PCDHGA7: variants seen among roughly 807,000 people sequenced by gnomAD.
PCDHGA7 encodes protocadherin gamma-A7.
PCDHGA7 carries 44 observed loss-of-function variants against 58.3 expected under a neutral mutation model. The observed-to-expected ratio is 0.75, with a 90% CI of 0.59 to 0.97. The LOEUF is 0.97. Among genes scored for constraint, PCDHGA7 ranks in the 50% least tolerant of loss-of-function variants. The pLI, the probability that PCDHGA7 is intolerant of heterozygous loss-of-function variation, is 0.00. For missense variants in PCDHGA7, 1,266 were observed against 1,188.7 expected, an observed-to-expected ratio of 1.06 and a Z score of -0.96; for synonymous variants, 516 against 504.2, an observed-to-expected ratio of 1.02 and a Z score of -0.31.
chr5:141,457,045 C>T (rs1489830197), intron 1 of PCDHGA7, among the ~76,000 whole-genome samples: 1 of 152,198 alleles, frequency 6.6e-6, no homozygotes, highest in African/African-American at 2.4e-5. Context: ...GATAGTAAAA[C>T]TTTCATGCTT....
chr5:141,503,343 T>C (rs558650835), intron 2 of PCDHGA7, among the ~76,000 whole-genome samples: 87 of 152,106 alleles, frequency 5.7e-4, no homozygotes, highest in South Asian at 1.2e-3. Flanking sequence ...ACGCCTGTAA[T>C]TCCAGCACTT....
intron 2 of PCDHGA7, 50 bp from the exon 3 acceptor site, chr5:141,505,343 G>A: frequency 1.9e-6 from 3 of 1,612,934 alleles, no homozygotes; most frequent in Non-Finnish European, 2.5e-6. Flanking sequence ...GGAGGGGCAT[G>A]AGCTGTGCCG....
Position 141,491,103 on chromosome 5 carries a change from G to T in PCDHGA7, c.2425-3704G>T, listed in dbSNP as rs1190609518. The T allele has an allele frequency of 6.2e-7, 1 of 1,614,162 alleles. No individual in the cohort carries two copies. ...CCACAGCCCCAGGACTGTTCCTCGT[G>T]TCTACACACACTGGTGAGGTGCGCA... On this transcript the variant is annotated intron_variant, in intron 1 of 3. Coordinates refer to ENST00000518325, the MANE Select transcript of PCDHGA7 (RefSeq NM_018920.4). The surrounding 1 kb of genome is among the most constrained non-coding windows in gnomAD (Gnocchi z 6.9).
At chr5:141,418,458 TG>T in intron 1 of PCDHGA7, 1 of 1,614,010 alleles carries the variant, frequency 6.2e-7, no homozygotes, top group Non-Finnish European at 8.5e-7. Flanking sequence ...CAGAAGACTC[TG>T]GACCGAGAAA....
chr5:141,476,986 C>A lies in PCDHGA7; in HGVS notation c.2425-17821C>A. ...CCTTCGGCAGCCACAACCGCGCCGG[C>A]GTGCGGCAACTATTCGCCTTAGACC... On this transcript the variant is annotated intron_variant, in intron 1 of 3. Transcript: ENST00000518325. The surrounding 1 kb of genome is among the most constrained non-coding windows in gnomAD (Gnocchi z 7.6). 6.2e-7 allele frequency: 1 copy of A among 1,614,218 alleles called. No individual in the cohort carries two copies. The highest frequency in any genetic ancestry group is 8.5e-7 in the Non-Finnish European group (1 of 1,180,042).
At chr5:141,421,966 G>A in intron 1 of PCDHGA7, 1 of 1,610,918 alleles carries the variant, frequency 6.2e-7, no homozygotes, top group Non-Finnish European at 8.5e-7. Flanking sequence ...TACACAGTCC[G>A]TATATCGCGT....
At chr5:141,404,616 A>G (rs940307932) in intron 1 of PCDHGA7, 3 of 1,614,168 alleles carry the variant, frequency 1.9e-6, no homozygotes, top group Non-Finnish European at 2.5e-6. Flanking sequence ...GTTTTGGACC[A>G]GAATGACAAT....
intron 1 of PCDHGA7, chr5:141,404,610 T>G (rs1207198913): frequency 6.2e-7 from 1 of 1,614,130 alleles, no homozygotes. Context: ...CTGTTTGTTT[T>G]GGACCAGAAT....
intron 1 of PCDHGA7, chr5:141,418,640 A>G (rs1042874136): frequency 1.2e-6 from 2 of 1,614,042 alleles, no homozygotes; most frequent in Non-Finnish European, 1.7e-6. Flanking sequence ...AGGCACCTCC[A>G]TCCTGAGAGT....
chr5:141,385,665 A>G (rs2090316911), intron 1 of PCDHGA7: 1 of 462,016 alleles, frequency 2.2e-6, no homozygotes, highest in Admixed American at 5.1e-5. Flanking sequence ...AGCAGGAATA[A>G]AACACACCTC....
chr5:141,468,055 T>G (rs2099156893), intron 1 of PCDHGA7, among the ~76,000 whole-genome samples: 1 of 152,096 alleles, frequency 6.6e-6, no homozygotes, highest in Admixed American at 6.5e-5. Flanking sequence ...CCGGGCACAG[T>G]GGCTCACACC....
rs781346812 is a variant in PCDHGA7, at chr5:141,489,773, T to A, written c.2425-5034T>A. 6.2e-7 allele frequency: 1 copy of A among 1,614,102 alleles called. No individual in the cohort carries two copies. The highest frequency in any genetic ancestry group is 8.5e-7 in the Non-Finnish European group (1 of 1,179,984). ...TACACTCTAAGCCCCAACAGCCACT[T>A]CTCTCTGAATGTGAAGACCCTAAAA... is the stretch of plus-strand genomic sequence containing the variant. On this transcript the variant is annotated intron_variant, in intron 1 of 3. Transcript: ENST00000518325. The surrounding 1 kb of genome is among the most constrained non-coding windows in gnomAD (Gnocchi z 4.5).
In PCDHGA7 at chr5:141,487,000, G is replaced by A. The variant is rs1410493699; in HGVS notation, c.2425-7807G>A. On this transcript the variant is annotated intron_variant, in intron 1 of 3. Transcript: ENST00000518325. The surrounding 1 kb of genome is among the most constrained non-coding windows in gnomAD (Gnocchi z 5.0). ...GTTACAATGCTTGGGTTTCCTATCA[G>A]CTCCTGGAGGCCCCAGATCCCAGCC... The A allele has an allele frequency of 6.2e-7, 1 of 1,614,194 alleles. No homozygotes were observed. The highest frequency in any genetic ancestry group is 8.5e-7 in the Non-Finnish European group (1 of 1,180,036).
In PCDHGA7 at chr5:141,383,976, C is replaced by T. The variant is rs1438303235; in HGVS notation, c.1077C>T (p.Asp359=). 6.2e-7 allele frequency: 1 copy of T among 1,613,642 alleles called. No homozygotes were observed. The highest frequency in any genetic ancestry group is 8.5e-7 in the Non-Finnish European group (1 of 1,179,710). ...MTSLSSSIPE[D]TPLGTVIALF... ...CTTTAAGTAGCTCAATCCCTGAAGA[C>T]ACACCTCTTGGGACAGTCATTGCTC... The change falls in exon 1 of 4, where the codon GAC becomes GAT. Residue 359 remains aspartate, a synonymous_variant. Transcript: ENST00000518325.
intron 1 of PCDHGA7, among the ~76,000 whole-genome samples, chr5:141,473,431 G>C (rs541546681): frequency 6.6e-6 from 1 of 152,148 alleles, no homozygotes; most frequent in South Asian, 2.1e-4. Context: ...CAGATACTTT[G>C]CTTATGCAAA....
At chr5:141,495,771 C>T (rs941051365) in intron 2 of PCDHGA7, among the ~76,000 whole-genome samples, 1 of 152,110 alleles carries the variant, frequency 6.6e-6, no homozygotes, top group Non-Finnish European at 1.5e-5. Flanking sequence ...TGTCCTTGTC[C>T]TGGACCTCTT....
rs1554087243 is a variant in PCDHGA7, at chr5:141,382,895, C to T, written c.-5C>T. The T allele has an allele frequency of 2.6e-6, 4 of 1,536,202 alleles. No homozygotes were observed. The East Asian group carries it at 6.8e-5, about 26-fold the overall frequency. ...CGGCGCCTAAGCAAGAGAAGCAGGA[C>T]GACTATGGCGGCTCAGCCGAGGGGC... On this transcript the variant is annotated 5_prime_UTR_variant, in exon 1 of 4. The change creates a new upstream start codon in the 5' untranslated region. Transcript: ENST00000518325.
intron 1 of PCDHGA7, chr5:141,427,003 T>C: frequency 2.2e-6 from 1 of 456,764 alleles, no homozygotes; most frequent in South Asian, 1.5e-5. Flanking sequence ...GCCCCAGTTT[T>C]TAGCCAGGAT....
Position 141,489,753 on chromosome 5 carries a change from T to A in PCDHGA7, c.2425-5054T>A, listed in dbSNP as rs549652158. On this transcript the variant is annotated intron_variant, in intron 1 of 3. Transcript: ENST00000518325. The surrounding 1 kb of genome is among the most constrained non-coding windows in gnomAD (Gnocchi z 4.5). ...GCACCAATACTGTGAGCTTTTACAC[T>A]CTAAGCCCCAACAGCCACTTCTCTC... 6.2e-7 allele frequency: 1 copy of A among 1,614,070 alleles called. No homozygotes were observed. The highest frequency in any genetic ancestry group is 2.2e-5 in the East Asian group (1 of 44,866).
Sources: allele counts gnomAD v4.1 joint callset (sites outside exome capture counted in the v4.1 genomes callset), GRCh38; gene constraint gnomAD v4.1.1; non-coding constraint Gnocchi (gnomAD v3.1); transcripts MANE v1.5; gene names NCBI Gene and HGNC (gene_info 2026-07-23, HGNC 2026-07-21).